The following NCF2 variants were observed in gnomAD, a reference collection of about 807,000 sequenced individuals.
NCF2 encodes neutrophil cytosolic factor 2.
In NCF2, 45 loss-of-function variants were observed where a neutral mutation model predicts 70.9. That is an observed-to-expected ratio of 0.63 (90% CI 0.50 to 0.81). The LOEUF (loss-of-function observed/expected upper bound fraction) is 0.81, where lower values mean the gene tolerates loss of function less well. Among genes scored for constraint, NCF2 ranks in the 40% least tolerant of loss-of-function variants. The pLI is 0.00. For missense variants in NCF2, 522 were observed against 631.6 expected (o/e 0.83, Z 1.86); for synonymous variants, 203 against 233.6 (o/e 0.87, Z 1.19).
chr1:183,558,323 A>C (rs1671887503), intron 14 of NCF2, among the ~76,000 whole-genome samples: 1 of 150,860 alleles, frequency 6.6e-6, no homozygotes, highest in African/African-American at 2.4e-5. Context: ...GCTGGAGTGC[A>C]GTGGCACAAT....
chr1:183,589,711 C>T (rs1290738047), intron 1 of NCF2, among the ~76,000 whole-genome samples: 2 of 152,070 alleles, frequency 1.3e-5, no homozygotes, highest in Non-Finnish European at 2.9e-5. Flanking sequence ...TTTGTAAGTG[C>T]CTCCCTTAAA....
At position 183,559,300 on chromosome 1, in the gene NCF2, T is replaced by C. The variant is rs934760236; in HGVS notation, c.1468+796A>G. The stretch of plus-strand genomic sequence containing the variant: ...ACCTCAGCCTCCCTAGTGGCTAGGA[T>C]TACAGGCATGCTGTTTCAATTTTTA... On this transcript the variant is annotated intron_variant, in intron 14 of 14. Transcript: ENST00000367535. Among the ~76,000 whole-genome samples the C allele has an allele frequency of 2.0e-5, 3 of 152,234 alleles. No homozygotes were observed. In the South Asian group the frequency reaches 6.2e-4, roughly 32 times the overall value.
upstream of NCF2, among the ~76,000 whole-genome samples, chr1:183,592,083 G>A (rs1465240177): frequency 2.0e-5 from 3 of 152,152 alleles, no homozygotes; most frequent in Non-Finnish European, 4.4e-5. Flanking sequence ...TTCTTTTTAG[G>A]TAAAATGCAT....
rs2102867832 is a variant in NCF2 at position 183,556,246 on chromosome 1, G to A, written c.1469-16C>T. ...TCTTCATTCACTGATAAAAGGAAAA[G>A]TACACATGGATTTCTAAAACCACTG... On this transcript the variant is annotated splice_polypyrimidine_tract_variant and intron_variant, in intron 14 of 14. Transcript: ENST00000367535. 6.2e-7 allele frequency: 1 copy of A among 1,605,418 alleles called. No homozygotes were observed. Among genetic ancestry groups the A allele is most frequent in the Non-Finnish European group, 8.5e-7 (1 of 1,172,084 alleles).
chr1:183,569,182 C>G lies in NCF2; in HGVS notation c.673G>C (p.Ala225Pro), dbSNP rs754192116. 6.2e-7 allele frequency: 1 copy of G among 1,614,066 alleles called. No homozygotes were observed. The highest frequency in any genetic ancestry group is 8.5e-7 in the Non-Finnish European group (1 of 1,179,968). ...SGFAPLQPQAAEPPPRPKTPE... is the reference protein window; with the variant it reads ...SGFAPLQPQAPEPPPRPKTPE... ...GTTTTCGGTCTGGGTGGAGGCTCAG[C>G]TGCCTATTGAACATTCAGGAGAAGT... The change falls in exon 7 of 15, where the codon GCT (alanine) becomes CCT (proline). Residue 225 changes from alanine to proline, a missense_variant. Ala to Pro is a conservative substitution (Grantham distance 27). Coordinates refer to ENST00000367535, the MANE Select transcript of NCF2 (RefSeq NM_000433.4).
intron 14 of NCF2, among the ~76,000 whole-genome samples, chr1:183,557,398 C>T (rs148679662): frequency 2.0e-5 from 3 of 152,304 alleles, no homozygotes; most frequent in African/African-American, 7.2e-5. Context: ...CTTGATTCTT[C>T]TTACAGGGTA....
At chr1:183,575,427 C>T (rs1672757564) in intron 3 of NCF2, among the ~76,000 whole-genome samples, 1 of 152,100 alleles carries the variant, frequency 6.6e-6, no homozygotes, top group Non-Finnish European at 1.5e-5. Flanking sequence ...GCCAGGGGCA[C>T]CTTCACCTCA....
At chr1:183,585,412 T>C (rs1270250406) in intron 2 of NCF2, among the ~76,000 whole-genome samples, 1 of 151,976 alleles carries the variant, frequency 6.6e-6, no homozygotes, top group Non-Finnish European at 1.5e-5. Context: ...GATCACAAGG[T>C]CAGGAGTTCG....
At position 183,566,959 on chromosome 1, in the gene NCF2, T is replaced by C; in HGVS notation, c.885A>G (p.Glu295=). 1.2e-6 allele frequency: 2 copies of C among 1,614,038 alleles called. No homozygotes were observed. Among genetic ancestry groups the C allele is most frequent in the South Asian group, 2.2e-5 (2 of 91,074 alleles). ...QKGLVPCNYL[E]PVELRIHPQQ... is the part of the protein sequence containing the mutation. Reference sequence around the variant, plus strand: ...GAGGGTGGATCCGCAGCTCAACTGGTTCAAGGTAGTTGCAGGGAACAAGCC... The same window carrying C: ...GAGGGTGGATCCGCAGCTCAACTGGCTCAAGGTAGTTGCAGGGAACAAGCC... The change falls in exon 9 of 15, where the codon GAA becomes GAG. Residue 295 remains glutamate (E), a synonymous_variant. Transcript: ENST00000367535.
chr1:183,571,099 A>G (rs945011544), intron 5 of NCF2, among the ~76,000 whole-genome samples: 3 of 149,604 alleles, frequency 2.0e-5, no homozygotes, highest in Admixed American at 1.3e-4. Flanking sequence ...TGCAATTTGT[A>G]TAACATCAAA....
intron 2 of NCF2, among the ~76,000 whole-genome samples, chr1:183,584,525 C>A (rs1337686022): frequency 6.6e-6 from 1 of 152,206 alleles, no homozygotes; most frequent in African/African-American, 2.4e-5. Context: ...TTTCTAATCA[C>A]TCAAAACCGT....
At chr1:183,561,091 T>C (rs951994104) in intron 13 of NCF2, among the ~76,000 whole-genome samples, 2 of 152,250 alleles carry the variant, frequency 1.3e-5, no homozygotes, top group Admixed American at 1.3e-4. Flanking sequence ...CATACTTGTT[T>C]TATCTGTAAC....
Position 183,563,597 on chromosome 1 carries a change from G to A in NCF2, c.1027-12C>T, listed in dbSNP as rs374804194. On this transcript the variant is annotated splice_polypyrimidine_tract_variant and intron_variant, in intron 11 of 14. Transcript: ENST00000367535. ...CTGAGCTTCACTTCCTGAGTGGGGA[G>A]GAAACAAAGGGAACTCCTGAGTGTC... The A allele has an allele frequency of 3.7e-6, 6 of 1,612,662 alleles. No individual in the cohort carries two copies. Among genetic ancestry groups the A allele is most frequent in the Non-Finnish European group, 5.1e-6 (6 of 1,179,996 alleles).
At chr1:183,597,892 A>C in the NCF2 span, 4 of 152,370 alleles carry the variant, frequency 2.6e-5, no homozygotes, top group South Asian at 8.3e-4. Context: ...CTGCCTGTGT[A>C]ATCCATAGAA....
In NCF2 at chr1:183,574,592, G is replaced by C. The variant is rs768786785; in HGVS notation, c.396C>G (p.Ala132=). The C allele has an allele frequency of 2.5e-6, 4 of 1,614,010 alleles. No homozygotes were observed. The highest frequency in any genetic ancestry group is 2.5e-6 in the Non-Finnish European group (3 of 1,180,012). ...EVLYNIAFMY[A]KKEEWKKAEE... Reference sequence around the variant, plus strand: ...CAGCTTTTTTCCATTCCTCCTTCTTGGCATACATGAAAGCAATGTTATATA... The same window carrying C: ...CAGCTTTTTTCCATTCCTCCTTCTTCGCATACATGAAAGCAATGTTATATA... Residue 132 remains alanine, a synonymous_variant, in exon 4 of 15, where the codon GCC becomes GCG. Coordinates refer to ENST00000367535, the MANE Select transcript of NCF2 (RefSeq NM_000433.4).
At chr1:183,598,423 T>TGGGGAGGC in the NCF2 span, among the ~76,000 whole-genome samples, 1 of 151,286 alleles carries the variant, frequency 6.6e-6, no homozygotes. Context: ...ATGAGGGAAG[T>TGGGGAGGC]GGGGAGGCAA....
chr1:183,575,025 A>G (rs1456103964), intron 3 of NCF2, among the ~76,000 whole-genome samples: 1 of 152,228 alleles, frequency 6.6e-6, no homozygotes, highest in African/African-American at 2.4e-5. Flanking sequence ...TTGGGAATAA[A>G]ATACAGGTGT....
At chr1:183,590,598 G>A (rs1239688009), upstream of NCF2, 4 of 507,032 alleles carry the variant, frequency 7.9e-6, no homozygotes, top group African/African-American at 7.7e-5. Context: ...GAGTAGGGGT[G>A]GAGTGTGGAG....
chr1:183,564,154 TG>T, intron 10 of NCF2, 124 bp from the exon 11 acceptor site: 1 of 962,896 alleles, frequency 1.0e-6, no homozygotes, highest in South Asian at 1.3e-5. Context: ...CTTTAATTTG[TG>T]GGGCAATTAT....
Sources: allele counts gnomAD v4.1 joint callset (sites outside exome capture counted in the v4.1 genomes callset), GRCh38; gene constraint gnomAD v4.1.1; transcripts MANE v1.5; gene names NCBI Gene and HGNC (gene_info 2026-07-23, HGNC 2026-07-21).